The following ZNF521 variants were observed in gnomAD, a reference collection of about 807,000 sequenced individuals.
ZNF521 encodes zinc finger protein 521, also known as LYST-interacting protein 3.
In ZNF521, 14 loss-of-function variants were observed where a neutral mutation model predicts 105.5. That is an observed-to-expected ratio of 0.13 (90% CI 0.09 to 0.21). ZNF521 has a LOEUF of 0.21. Ranked by LOEUF, ZNF521 falls within the 10% of genes least tolerant of loss-of-function variation. The pLI is 1.00. For synonymous variants in ZNF521, 635 were observed against 606.0 expected (o/e 1.05, Z -0.70); for missense variants, 1,233 against 1,629.7 (o/e 0.76, Z 4.19).
intron 3 of ZNF521, among the ~76,000 whole-genome samples, chr18:25,301,118 T>A (rs1478017307): frequency 6.6e-6 from 1 of 152,220 alleles, no homozygotes; most frequent in African/African-American, 2.4e-5. Flanking sequence ...TACCCAGTTT[T>A]ACGGTGTTTC....
chr18:25,296,504 C>T (rs12607714), intron 3 of ZNF521, among the ~76,000 whole-genome samples: 10,339 of 152,156 alleles, frequency 0.068, 688 homozygotes, highest in African/African-American at 0.18. Flanking sequence ...CCATCGCTGA[C>T]AGTCTTGAGA....
chr18:25,153,585 C>T (rs187865033), intron 5 of ZNF521, among the ~76,000 whole-genome samples: 9 of 152,292 alleles, frequency 5.9e-5, no homozygotes, highest in Admixed American at 2.6e-4. Flanking sequence ...AAACTCTTCT[C>T]GTGTGAATAC....
At chr18:25,267,766 C>T (rs1568044826) in intron 3 of ZNF521, among the ~76,000 whole-genome samples, 1 of 152,054 alleles carries the variant, frequency 6.6e-6, no homozygotes, top group Non-Finnish European at 1.5e-5. Context: ...CTCAGAGACC[C>T]CATCCGAAGG....
intron 4 of ZNF521, among the ~76,000 whole-genome samples, chr18:25,218,482 T>TAAAA (rs35500329): frequency 2.5e-5 from 2 of 79,842 alleles, no homozygotes; most frequent in African/African-American, 5.3e-5. Context: ...TCGAGCCTAC[T>TAAAA]AAAAAAAAAA....
intron 3 of ZNF521, among the ~76,000 whole-genome samples, chr18:25,306,351 C>T (rs1911973159): frequency 6.6e-6 from 1 of 152,020 alleles, no homozygotes; most frequent in Admixed American, 6.5e-5. Context: ...AGATTCTAAG[C>T]AATGAACAGT....
chr18:25,338,555 G>C (rs927662029), intron 2 of ZNF521, among the ~76,000 whole-genome samples: 7 of 151,988 alleles, frequency 4.6e-5, no homozygotes, highest in Non-Finnish European at 1.0e-4. Flanking sequence ...TGGGGCCACA[G>C]GCATGTGCCA....
chr18:25,295,634 T>C (rs1365337243), intron 3 of ZNF521, among the ~76,000 whole-genome samples: 2 of 149,958 alleles, frequency 1.3e-5, no homozygotes, highest in African/African-American at 4.9e-5. Flanking sequence ...AAAAAGTAAA[T>C]ATTTTTAAAA....
chr18:25,295,938 C>T (rs902562731), intron 3 of ZNF521, among the ~76,000 whole-genome samples: 5 of 152,202 alleles, frequency 3.3e-5, no homozygotes, highest in Admixed American at 6.5e-5. Context: ...TACTCCACAT[C>T]GTGGCAACAC....
Position 25,113,793 on chromosome 18 carries a change from C to CACACACACACACACACACACACACAG in ZNF521, c.3659-21713_3659-21712insCTGTGTGTGTGTGTGTGTGTGTGTGT, listed in dbSNP as rs1053377440. Among the ~76,000 whole-genome samples the CACACACACACACACACACACACACAG allele has an allele frequency of 3.9e-3, 568 of 147,208 alleles. 1 individual carries two copies. The highest frequency in any genetic ancestry group is 6.0e-3 in the Non-Finnish European group (393 of 65,538). On this transcript the variant is annotated intron_variant, in intron 5 of 7. Transcript: ENST00000361524. ...ACACACACACACACACACACACACA[C>CACACACACACACACACACACACACAG]AGAGACGGGGGAGAGAGCAGGGCCT... is the stretch of plus-strand genomic sequence containing the variant.
chr18:25,341,596 A>T (rs1389814669), intron 2 of ZNF521, among the ~76,000 whole-genome samples: 1 of 152,228 alleles, frequency 6.6e-6, no homozygotes, highest in Non-Finnish European at 1.5e-5. Flanking sequence ...TCAAGTGGAC[A>T]TATTTCCCTT....
chr18:25,187,424 GT>G (rs200409869), intron 5 of ZNF521, among the ~76,000 whole-genome samples: 6,789 of 145,950 alleles, frequency 0.047, 242 homozygotes, highest in East Asian at 0.2. Context: ...TTACCTCAGA[GT>G]TTTTTTTTTT....
chr18:25,195,239 C>A lies in ZNF521; in HGVS notation c.3579G>T (p.Lys1193Asn). The A allele has an allele frequency of 6.3e-7, 1 of 1,585,590 alleles. No homozygotes were observed. The highest frequency in any genetic ancestry group is 1.2e-5 in the South Asian group (1 of 86,690). The change falls in exon 5 of 8, where the codon AAG becomes AAT. Residue 1193 changes from lysine (K) to asparagine (N), a missense_variant. This residue lies in a region of ZNF521 where 614 missense variants were observed against 751.5 expected (regional missense o/e 0.82). Transcript: ENST00000361524. ...RISPSQSDEK[K>N]TYQCIKCQMV... is the part of the protein sequence containing the mutation. Reference sequence around the variant, plus strand: ...TCTGACACTTGATGCATTGATAGGTCTTCTTCTGAGAAAACAAGTATAAAC... The same window carrying A: ...TCTGACACTTGATGCATTGATAGGTATTCTTCTGAGAAAACAAGTATAAAC...
intron 3 of ZNF521, among the ~76,000 whole-genome samples, chr18:25,311,948 T>C (rs1912333704): frequency 6.6e-6 from 1 of 152,166 alleles, no homozygotes; most frequent in Non-Finnish European, 1.5e-5. Flanking sequence ...AAAACTAATA[T>C]AAGATATTCT....
At chr18:25,116,454 T>C (rs2034304017) in intron 5 of ZNF521, among the ~76,000 whole-genome samples, 1 of 152,146 alleles carries the variant, frequency 6.6e-6, no homozygotes, top group African/African-American at 2.4e-5. Context: ...CCCTTAAACA[T>C]GGTTTAAAAT....
At chr18:25,103,437 C>T (rs1025239218) in intron 5 of ZNF521, among the ~76,000 whole-genome samples, 1 of 152,154 alleles carries the variant, frequency 6.6e-6, no homozygotes, top group African/African-American at 2.4e-5. Flanking sequence ...GTACCTGGAT[C>T]ATTCCCCGAT....
chr18:25,177,959 C>T (rs533150011), intron 5 of ZNF521, among the ~76,000 whole-genome samples: 3 of 152,186 alleles, frequency 2.0e-5, no homozygotes, highest in Admixed American at 6.5e-5. Flanking sequence ...CCTAACATAG[C>T]GACATATACA....
intron 5 of ZNF521, among the ~76,000 whole-genome samples, chr18:25,153,538 A>T (rs1345100597): frequency 6.6e-6 from 1 of 152,002 alleles, no homozygotes; most frequent in Non-Finnish European, 1.5e-5. Flanking sequence ...GTCTACTTCA[A>T]CTCCACATGG....
At chr18:25,301,488 T>C (rs1911638586) in intron 3 of ZNF521, among the ~76,000 whole-genome samples, 1 of 152,166 alleles carries the variant, frequency 6.6e-6, no homozygotes, top group South Asian at 2.1e-4. Flanking sequence ...TTTACCTCTT[T>C]GAACAACACT....
At chr18:25,327,867 A>C (rs1355689541) in intron 2 of ZNF521, among the ~76,000 whole-genome samples, 3 of 152,122 alleles carry the variant, frequency 2.0e-5, no homozygotes, top group South Asian at 2.1e-4. Context: ...TAAACAAACA[A>C]ACACAACACA....
Sources: allele counts gnomAD v4.1 joint callset (sites outside exome capture counted in the v4.1 genomes callset), GRCh38; gene constraint gnomAD v4.1.1; regional missense constraint gnomAD v4.1.1; transcripts MANE v1.5; gene names NCBI Gene and HGNC (gene_info 2026-07-23, HGNC 2026-07-21).